Variants in PPP6C observed in about 807,000 individuals in gnomAD.
PPP6C encodes protein phosphatase 6 catalytic subunit.
Under a neutral mutation model 39.8 loss-of-function variants are expected in PPP6C, and 11 were observed. That is an observed-to-expected ratio of 0.28 (90% CI 0.17 to 0.46). The LOEUF (loss-of-function observed/expected upper bound fraction) is 0.46, where lower values mean the gene tolerates loss of function less well. Ranked by LOEUF, PPP6C falls within the 20% of genes least tolerant of loss-of-function variation. The pLI is 1.00. For synonymous variants in PPP6C, 129 were observed against 130.3 expected (o/e 0.99, Z 0.07); for missense variants, 211 against 373.9 (o/e 0.56, Z 3.59).
chr9:125,189,574 C>G (rs756198325), intron 1 of PPP6C, 70 bp downstream of exon 1: 17 of 1,605,316 alleles, frequency 1.1e-5, no homozygotes, highest in Admixed American at 3.4e-5. Context: ...GGCGGGGGTC[C>G]TGGAGAAAGG....
At chr9:125,186,994 T>C (rs1029857744) in intron 1 of PPP6C, among the ~76,000 whole-genome samples, 25 of 137,138 alleles carry the variant, frequency 1.8e-4, no homozygotes, top group Non-Finnish European at 2.9e-4. Flanking sequence ...TCACCCAGGC[T>C]GGACTGCAGT....
intron 3 of PPP6C, among the ~76,000 whole-genome samples, chr9:125,159,887 T>G (rs1828816842): frequency 3.9e-5 from 6 of 152,110 alleles, no homozygotes. Context: ...CTGGGCGTGG[T>G]GGCGCACGCC....
chr9:125,179,412 G>C (rs1829376729), intron 1 of PPP6C, among the ~76,000 whole-genome samples: 1 of 151,978 alleles, frequency 6.6e-6, no homozygotes, highest in African/African-American at 2.4e-5. Context: ...GATTTGTTTA[G>C]GTTTGGTTTG....
intron 6 of PPP6C, among the ~76,000 whole-genome samples, chr9:125,150,247 G>C (rs1835902400): frequency 6.6e-6 from 1 of 152,090 alleles, no homozygotes; most frequent in Admixed American, 6.5e-5. Context: ...ATTTACTGAA[G>C]GTTTAGTATA....
chr9:125,162,284 C>T lies in PPP6C; in HGVS notation c.172-1378G>A, dbSNP rs570153202. 4.4e-4 allele frequency among the ~76,000 whole-genome samples: 66 copies of T among 151,612 alleles called. 1 individual carries two copies. In the South Asian group the frequency reaches 0.01, roughly 23 times the overall value. On this transcript the variant is annotated intron_variant, in intron 2 of 6. Transcript: ENST00000373547. ...ACCAGCTTAGCCAATGTGGTGAAAC[C>T]CCATCTCTACTAAAAATACAAAAAT...
At chr9:125,180,833 G>T (rs1829406146) in intron 1 of PPP6C, among the ~76,000 whole-genome samples, 1 of 152,140 alleles carries the variant, frequency 6.6e-6, no homozygotes, top group Non-Finnish European at 1.5e-5. Flanking sequence ...TACACTATGT[G>T]CTAGCCTGAA....
chr9:125,187,368 C>T (rs932968001), intron 1 of PPP6C, among the ~76,000 whole-genome samples: 1 of 151,552 alleles, frequency 6.6e-6, no homozygotes, highest in African/African-American at 2.4e-5. Flanking sequence ...AAGCAATTCT[C>T]CCGGGTTCAA....
chr9:125,169,626 G>C (rs1207575593), intron 2 of PPP6C, among the ~76,000 whole-genome samples: 1 of 151,688 alleles, frequency 6.6e-6, no homozygotes, highest in East Asian at 1.9e-4. Flanking sequence ...CACTACACTG[G>C]GGGAAAACAT....
chr9:125,154,000 G>T lies in PPP6C; in HGVS notation c.380-15C>A. 6.4e-7 allele frequency: 1 copy of T among 1,566,260 alleles called. No homozygotes were observed. The highest frequency in any genetic ancestry group is 8.8e-7 in the Non-Finnish European group (1 of 1,138,254). On this transcript the variant is annotated splice_polypyrimidine_tract_variant and intron_variant, in intron 4 of 6. Coordinates refer to ENST00000373547, the MANE Select transcript of PPP6C (RefSeq NM_002721.5). ...TTGGCACTCATCTGTGAAAGAAACAGAAGGGTTTTAATTAATGAATCTGCT... is the reference window on the plus strand; with the variant it reads ...TTGGCACTCATCTGTGAAAGAAACATAAGGGTTTTAATTAATGAATCTGCT...
chr9:125,171,852 C>A (rs185827282), intron 1 of PPP6C: 1 of 456,250 alleles, frequency 2.2e-6, no homozygotes, highest in East Asian at 7.0e-5. Flanking sequence ...CCGTGCCCAG[C>A]CAGTAAAAGA....
At position 125,150,839 on chromosome 9, in the gene PPP6C, T is replaced by A. The variant is rs1240822257; in HGVS notation, c.670-918A>T. On this transcript the variant is annotated intron_variant, in intron 6 of 6. Coordinates refer to ENST00000373547, the MANE Select transcript of PPP6C (RefSeq NM_002721.5). The stretch of plus-strand genomic sequence containing the variant: ...TTCAGAGTGGTTGTGGCAAAATCAA[T>A]GACAATTTAATGGTGCCTTTGATCA... 5 of 778,054 alleles carry A rather than the reference T, an allele frequency of 6.4e-6. No homozygotes were observed. The African/African-American group carries it at 8.5e-5, about 13-fold the overall frequency. The allele number at this position is 778,054 out of a possible 1,614,324, so 48.2% of individuals were successfully genotyped here.
intron 2 of PPP6C, among the ~76,000 whole-genome samples, chr9:125,162,078 TAA>T (rs1828888005): frequency 7.2e-6 from 1 of 139,630 alleles, no homozygotes; most frequent in Non-Finnish European, 1.5e-5. Context: ...TCCATAAGTC[TAA>T]AAAGTCAGAC....
intron 6 of PPP6C, 66 bp downstream of exon 6, chr9:125,153,467 C>T (rs1231272777): frequency 1.0e-5 from 15 of 1,446,762 alleles, no homozygotes; most frequent in Non-Finnish European, 1.4e-5. Flanking sequence ...TATCTAGGGC[C>T]ACCATAGTTC....
At chr9:125,176,294 CTGAGTG>C (rs1293852586) in intron 1 of PPP6C, among the ~76,000 whole-genome samples, 3 of 152,158 alleles carry the variant, frequency 2.0e-5, no homozygotes, top group African/African-American at 7.2e-5. Flanking sequence ...TGGGCTTCTA[CTGAGTG>C]TAACGGGAAG....
intron 1 of PPP6C, chr9:125,188,777 C>CT (rs1829588797): frequency 9.1e-6 from 2 of 220,044 alleles, no homozygotes; most frequent in Admixed American, 1.4e-4. Context: ...GAGTGAGACT[C>CT]TATCTCAGTT....
chr9:125,150,599 G>A lies in PPP6C; in HGVS notation c.670-678C>T. The A allele has an allele frequency of 3.6e-6, 3 of 830,088 alleles. No homozygotes were observed. In the South Asian group the frequency reaches 3.9e-5, roughly 11 times the overall value. 51.4% of individuals were successfully genotyped at this position (830,088 alleles called of 1,614,324 possible). ...TGGGCCGACTTTGGTTGCAGTCTCT[G>A]CAGCAGCAGTGATCACTTAGTGAAG... On this transcript the variant is annotated intron_variant, in intron 6 of 6. Transcript: ENST00000373547.
In PPP6C at chr9:125,167,401, AAAT is replaced by A. The variant is rs1163355771; in HGVS notation, c.171+3681_171+3683del. The stretch of plus-strand genomic sequence containing the variant: ...GTCCAAAAAAAAAAAAAAAAAAAAG[AAAT>A]AAAAAAAAGGCCGGGCATGGTGACT... On this transcript the variant is annotated intron_variant, in intron 2 of 6. Coordinates refer to ENST00000373547, the MANE Select transcript of PPP6C (RefSeq NM_002721.5). 7.2e-4 allele frequency among the ~76,000 whole-genome samples: 88 copies of A among 121,790 alleles called. 2 individuals are homozygous for A. Among genetic ancestry groups the A allele is most frequent in the South Asian group, 1.9e-3 (7 of 3,614 alleles). 79.9% of individuals were successfully genotyped at this position (121,790 alleles called of 152,430 possible). A position where few individuals can be genotyped will look rare whatever the true frequency, so the allele number is the denominator to read the frequency against.
intron 1 of PPP6C, among the ~76,000 whole-genome samples, chr9:125,177,156 C>T (rs552000800): frequency 2.4e-4 from 37 of 152,092 alleles, no homozygotes; most frequent in Admixed American, 2.0e-3. Context: ...AGGCGGATCA[C>T]GAGGTCAGGA....
intron 4 of PPP6C, among the ~76,000 whole-genome samples, chr9:125,154,472 T>A (rs1202267767): frequency 6.6e-6 from 1 of 152,254 alleles, no homozygotes; most frequent in East Asian, 1.9e-4. Context: ...TCGACTGAAA[T>A]GTCATTATGT....
Sources: gnomAD v4.1 joint callset for allele counts (sites outside exome capture counted in the v4.1 genomes callset) on GRCh38, gnomAD v4.1.1 for gene constraint, MANE v1.5 for transcripts, NCBI Gene and HGNC (gene_info 2026-07-23, HGNC 2026-07-21) for gene names.